Variants in SGMS1 observed in about 807,000 individuals in gnomAD.
The protein encoded by SGMS1 is sphingomyelin synthase 1, also known as phosphatidylcholine:ceramide cholinephosphotransferase 1.
In SGMS1, 13 loss-of-function variants were observed where a neutral mutation model predicts 46.2. That is an observed-to-expected ratio of 0.28 (90% CI 0.18 to 0.45). The LOEUF (loss-of-function observed/expected upper bound fraction) is 0.45. SGMS1 is among the 20% of genes least tolerant of loss of function. The probability of loss-of-function intolerance (pLI) is 1.00; values close to 1 mark genes in which losing one functional copy is unlikely to be tolerated. For missense variants in SGMS1, 324 were observed against 519.9 expected, an observed-to-expected ratio of 0.62 and a Z score of 3.66; for synonymous variants, 203 against 187.8, an observed-to-expected ratio of 1.08 and a Z score of -0.66.
At chr10:50,586,246 CAG>C (rs1384192520) in intron 2 of SGMS1, among the ~76,000 whole-genome samples, 1 of 152,156 alleles carries the variant, frequency 6.6e-6, no homozygotes, top group Non-Finnish European at 1.5e-5. Flanking sequence ...TTGAGCTGGA[CAG>C]AGTTTGTTGG....
At chr10:50,310,560 T>C (rs977983688) in intron 9 of SGMS1, among the ~76,000 whole-genome samples, 2 of 151,516 alleles carry the variant, frequency 1.3e-5, no homozygotes, top group African/African-American at 4.9e-5. Flanking sequence ...AATACACAAG[T>C]CCAAAAAAAT....
intron 6 of SGMS1, among the ~76,000 whole-genome samples, chr10:50,396,750 C>G (rs1848854155): frequency 6.6e-6 from 1 of 152,126 alleles, no homozygotes; most frequent in Non-Finnish European, 1.5e-5. Context: ...TCTGTCTTCT[C>G]ACATCCATCC....
chr10:50,521,395 C>T (rs1194590580), intron 2 of SGMS1, among the ~76,000 whole-genome samples: 4 of 152,126 alleles, frequency 2.6e-5, no homozygotes, highest in Admixed American at 2.0e-4. Flanking sequence ...AATTTATTTC[C>T]TAAGAATAAG....
chr10:50,434,760 C>T (rs1244747526), intron 5 of SGMS1, among the ~76,000 whole-genome samples: 2 of 150,620 alleles, frequency 1.3e-5, no homozygotes, highest in African/African-American at 4.9e-5. Flanking sequence ...TGGCGGGTGC[C>T]TGTGGTCCCA....
intron 6 of SGMS1, among the ~76,000 whole-genome samples, chr10:50,419,294 C>T (rs1233201069): frequency 6.6e-6 from 1 of 152,176 alleles, no homozygotes; most frequent in East Asian, 1.9e-4. Context: ...ATCCGAATCT[C>T]CAAAATTGTA....
At chr10:50,603,574 T>C (rs1838668020) in intron 1 of SGMS1, among the ~76,000 whole-genome samples, 1 of 152,166 alleles carries the variant, frequency 6.6e-6, no homozygotes, top group African/African-American at 2.4e-5. Context: ...AGTCTTGAGA[T>C]ACAGTATCAA....
At chr10:50,328,369 C>T (rs1358911931) in intron 7 of SGMS1, among the ~76,000 whole-genome samples, 2 of 152,258 alleles carry the variant, frequency 1.3e-5, no homozygotes, top group East Asian at 3.9e-4. Flanking sequence ...AAACAGTGGG[C>T]AGGTGTTCCT....
At position 50,519,089 on chromosome 10, in the gene SGMS1, C is replaced by CA. The variant is rs202209389; in HGVS notation, c.-498+741dup. On this transcript the variant is annotated intron_variant, in intron 3 of 10. Transcript: ENST00000361781. ...AAGTAAATCTTACAACATAACAGGG[C>CA]AAAAAAAAATGCAAGCTGCAGAACA... 4.2e-3 allele frequency among the ~76,000 whole-genome samples: 622 copies of CA among 147,410 alleles called. 3 individuals carry two copies. The highest frequency in any genetic ancestry group is 0.013 in the African/African-American group (529 of 40,086).
intron 3 of SGMS1, among the ~76,000 whole-genome samples, chr10:50,507,974 T>C (rs1837721939): frequency 6.6e-6 from 1 of 152,144 alleles, no homozygotes; most frequent in African/African-American, 2.4e-5. Flanking sequence ...GAGAACCATT[T>C]AATCCCCCAC....
intron 8 of SGMS1, among the ~76,000 whole-genome samples, chr10:50,321,841 A>T (rs114802102): frequency 4.5e-4 from 69 of 152,372 alleles, no homozygotes; most frequent in African/African-American, 1.6e-3. Context: ...CATCCTAAAG[A>T]GCAATGAGTC....
chr10:50,372,315 C>T (rs934973891), intron 6 of SGMS1, among the ~76,000 whole-genome samples: 10 of 151,974 alleles, frequency 6.6e-5, no homozygotes, highest in African/African-American at 2.4e-4. Context: ...CTTACTTTTC[C>T]CCAAATATAA....
intron 3 of SGMS1, among the ~76,000 whole-genome samples, chr10:50,478,843 T>C (rs1837451344): frequency 6.6e-6 from 1 of 152,100 alleles, no homozygotes; most frequent in African/African-American, 2.4e-5. Flanking sequence ...AAATGTAAAA[T>C]TGCCCCTGTT....
intron 2 of SGMS1, among the ~76,000 whole-genome samples, chr10:50,576,599 T>C (rs1293789090): frequency 2.0e-5 from 3 of 152,254 alleles, no homozygotes; most frequent in Non-Finnish European, 1.5e-5. Context: ...GGCACGTGAA[T>C]TCTCAACCAG....
rs1425831569 is a variant in SGMS1, at chr10:50,444,088, G to C, written c.-312-10532C>G. On this transcript the variant is annotated intron_variant, in intron 5 of 10. Transcript: ENST00000361781. ...AATTTTTTAAAAGTCTAAAGGATAAGACATATAGGAAACAAGTTTTAAAAT... is the reference window on the plus strand; with the variant it reads ...AATTTTTTAAAAGTCTAAAGGATAACACATATAGGAAACAAGTTTTAAAAT... Among the ~76,000 whole-genome samples the C allele has an allele frequency of 2.0e-5, 3 of 152,094 alleles. No homozygotes were observed. The East Asian group carries it at 5.8e-4, about 29-fold the overall frequency.
At chr10:50,591,135 C>T (rs1413831040) in intron 1 of SGMS1, among the ~76,000 whole-genome samples, 1 of 152,144 alleles carries the variant, frequency 6.6e-6, no homozygotes, top group Non-Finnish European at 1.5e-5. Context: ...CATGACGATA[C>T]CTTCTGTTTT....
Position 50,308,098 on chromosome 10 carries a change from C to A in SGMS1, c.946G>T (p.Val316Leu). 1.9e-6 allele frequency: 3 copies of A among 1,613,938 alleles called. No homozygotes were observed. Reference sequence around the variant, plus strand: ...AAGAGAATACAGAAGATTCCAACTACGCTGAGAAGCCAGCAAATCCAGTGA... The same window carrying A: ...AAGAGAATACAGAAGATTCCAACTAAGCTGAGAAGCCAGCAAATCCAGTGA... ...WYHWICWLLSVVGIFCILLAH... is the reference protein window; with the variant it reads ...WYHWICWLLSLVGIFCILLAH... Residue 316 changes from valine to leucine, a missense_variant, in exon 10 of 11, where the codon GTA becomes TTA. Coordinates refer to ENST00000361781, the MANE Select transcript of SGMS1 (RefSeq NM_147156.4).
rs181567829 is a variant in SGMS1 at position 50,446,297 on chromosome 10, G to A, written c.-312-12741C>T. The stretch of plus-strand genomic sequence containing the variant: ...ACTAATAAAAACTTGCTGGTTTTGC[G>A]GCTTGCTGGGCATCACAGAACCTGC... On this transcript the variant is annotated intron_variant, in intron 5 of 10. Coordinates refer to ENST00000361781, the MANE Select transcript of SGMS1 (RefSeq NM_147156.4). Among the ~76,000 whole-genome samples the A allele has an allele frequency of 1.5e-3, 222 of 152,024 alleles. 1 individual carries two copies. The highest frequency in any genetic ancestry group is 6.8e-3 in the Middle Eastern group (2 of 294).
intron 3 of SGMS1, among the ~76,000 whole-genome samples, chr10:50,470,345 T>TGTGTTTTCTTCCTTTATACAATGTTA (rs1837368188): frequency 6.6e-6 from 1 of 152,152 alleles, no homozygotes; most frequent in African/African-American, 2.4e-5. Context: ...GTAGAAAGTT[T>TGTGTTTTCTTCCTTTATACAATGTTA]GTGTTTTCTT....
intron 3 of SGMS1, among the ~76,000 whole-genome samples, chr10:50,475,949 A>T (rs1322471996): frequency 6.6e-6 from 1 of 151,914 alleles, no homozygotes; most frequent in Admixed American, 6.6e-5. Context: ...GTACAAGAAC[A>T]GACTAATACA....
Sources: allele counts gnomAD v4.1 joint callset (sites outside exome capture counted in the v4.1 genomes callset), GRCh38; gene constraint gnomAD v4.1.1; transcripts MANE v1.5; gene names NCBI Gene and HGNC (gene_info 2026-07-23, HGNC 2026-07-21).